CPNE4: variants seen among roughly 807,000 people sequenced by gnomAD.
CPNE4 encodes copine-4.
CPNE4 carries 25 observed loss-of-function variants against 67.9 expected under a neutral mutation model. The ratio of observed to expected loss-of-function variants is 0.37; its 90% confidence interval spans 0.27 to 0.51. The LOEUF (loss-of-function observed/expected upper bound fraction) is 0.51, where lower values mean the gene tolerates loss of function less well. Ranked by LOEUF, CPNE4 falls within the 20% of genes least tolerant of loss-of-function variation. The probability of loss-of-function intolerance (pLI) is 0.93; values close to 1 mark genes in which losing one functional copy is unlikely to be tolerated. For missense variants in CPNE4, 464 were observed against 690.8 expected (o/e 0.67, Z 3.68); for synonymous variants, 242 against 244.9 (o/e 0.99, Z 0.11).
chr3:131,825,280 G>A (rs1583275297), intron 2 of CPNE4, among the ~76,000 whole-genome samples: 1 of 152,072 alleles, frequency 6.6e-6, no homozygotes, highest in African/African-American at 2.4e-5. Flanking sequence ...GGTGGATCAT[G>A]AGGTCAGGAG....
At chr3:131,827,823 A>C (rs977526581) in intron 2 of CPNE4, among the ~76,000 whole-genome samples, 6 of 152,056 alleles carry the variant, frequency 3.9e-5, no homozygotes, top group African/African-American at 1.5e-4. Context: ...CAAGACATAA[A>C]TATAGAGCAG....
At chr3:131,888,841 A>G (rs1490074578) in intron 2 of CPNE4, among the ~76,000 whole-genome samples, 2 of 152,190 alleles carry the variant, frequency 1.3e-5, no homozygotes, top group Non-Finnish European at 2.9e-5. Context: ...CTTAGTAAGA[A>G]ACTTGGCAGA....
At chr3:131,933,121 T>A (rs1371728322) in intron 1 of CPNE4, among the ~76,000 whole-genome samples, 1 of 152,154 alleles carries the variant, frequency 6.6e-6, no homozygotes, top group Non-Finnish European at 1.5e-5. Flanking sequence ...CCTTGTGGAC[T>A]ATGTTGAAGA....
chr3:131,678,786 C>G (rs1560101394), intron 6 of CPNE4, among the ~76,000 whole-genome samples: 1 of 151,408 alleles, frequency 6.6e-6, no homozygotes, highest in Non-Finnish European at 1.5e-5. Flanking sequence ...GGGATGAAGC[C>G]TCATGGTGGA....
At chr3:131,900,060 G>C (rs566517147) in intron 2 of CPNE4, among the ~76,000 whole-genome samples, 4 of 151,940 alleles carry the variant, frequency 2.6e-5, no homozygotes, top group Non-Finnish European at 5.9e-5. Flanking sequence ...TAGGTGGAGT[G>C]GGGAGGGGGA....
At chr3:131,551,271 C>T (rs141200072) in intron 13 of CPNE4, among the ~76,000 whole-genome samples, 1 of 152,248 alleles carries the variant, frequency 6.6e-6, no homozygotes, top group African/African-American at 2.4e-5. Context: ...CAAAGCCTAT[C>T]ATTCTAAAGA....
At chr3:132,027,736 A>C (rs2074144331) in intron 1 of CPNE4, among the ~76,000 whole-genome samples, 1 of 152,152 alleles carries the variant, frequency 6.6e-6, no homozygotes, top group Admixed American at 6.5e-5. Context: ...TTACCTGTTG[A>C]ATCAACTGCT....
intron 2 of CPNE4, among the ~76,000 whole-genome samples, chr3:131,884,872 A>G (rs1583401853): frequency 2.0e-5 from 3 of 152,178 alleles, no homozygotes; most frequent in African/African-American, 7.2e-5. Context: ...CCCTAGCCAC[A>G]TGGAACTGTA....
At chr3:132,017,005 T>C (rs1397225156) in intron 1 of CPNE4, among the ~76,000 whole-genome samples, 1 of 151,980 alleles carries the variant, frequency 6.6e-6, no homozygotes, top group East Asian at 1.9e-4. Context: ...CAATATATGC[T>C]AGCCGATCAC....
intron 3 of CPNE4, among the ~76,000 whole-genome samples, chr3:131,702,257 A>T (rs1055036468): frequency 2.6e-5 from 4 of 152,192 alleles, no homozygotes; most frequent in African/African-American, 9.6e-5. Context: ...TAAGGAGTAC[A>T]TATTATGTTA....
At chr3:131,806,911 T>C (rs2084338590) in intron 2 of CPNE4, among the ~76,000 whole-genome samples, 1 of 152,122 alleles carries the variant, frequency 6.6e-6, no homozygotes, top group African/African-American at 2.4e-5. Flanking sequence ...TTTTCACAGT[T>C]CCCCAAATTG....
chr3:132,029,328 C>T (rs920286049), intron 1 of CPNE4, among the ~76,000 whole-genome samples: 2 of 152,266 alleles, frequency 1.3e-5, no homozygotes, highest in African/African-American at 4.8e-5. Flanking sequence ...CTCTCCGCAG[C>T]GAGGCAATCC....
At chr3:131,581,311 C>A (rs575490801) in intron 9 of CPNE4, among the ~76,000 whole-genome samples, 134 of 152,260 alleles carry the variant, frequency 8.8e-4, no homozygotes, top group Non-Finnish European at 1.7e-3. Context: ...CTGCTCTGGG[C>A]AGAGATGATC....
intron 1 of CPNE4, among the ~76,000 whole-genome samples, chr3:131,984,639 C>T (rs1216749470): frequency 1.3e-5 from 2 of 152,208 alleles, no homozygotes; most frequent in African/African-American, 4.8e-5. Flanking sequence ...TATGCTGGCC[C>T]ATCTTCCAAC....
At chr3:131,999,529 A>T (rs2073375656) in intron 1 of CPNE4, among the ~76,000 whole-genome samples, 1 of 152,116 alleles carries the variant, frequency 6.6e-6, no homozygotes, top group Non-Finnish European at 1.5e-5. Flanking sequence ...AAAGAATCAG[A>T]AAGATTGTTG....
chr3:131,878,561 T>G (rs1231788891), intron 2 of CPNE4, among the ~76,000 whole-genome samples: 2 of 152,182 alleles, frequency 1.3e-5, no homozygotes, highest in Non-Finnish European at 2.9e-5. Flanking sequence ...ACAGGTGTGT[T>G]CATTTTCTGG....
chr3:131,611,172 A>T (rs1397680232), intron 7 of CPNE4, among the ~76,000 whole-genome samples: 2 of 152,184 alleles, frequency 1.3e-5, no homozygotes, highest in Non-Finnish European at 2.9e-5. Context: ...TGTGTTGGCC[A>T]AAGGAGAATG....
At chr3:131,843,585 A>G (rs1216727754) in intron 2 of CPNE4, among the ~76,000 whole-genome samples, 1 of 152,222 alleles carries the variant, frequency 6.6e-6, no homozygotes, top group Non-Finnish European at 1.5e-5. Context: ...TTCTCCCCAA[A>G]TATTCAGCAG....
chr3:131,903,172 C>T (rs2088615111), intron 2 of CPNE4, among the ~76,000 whole-genome samples: 1 of 152,070 alleles, frequency 6.6e-6, no homozygotes, highest in Non-Finnish European at 1.5e-5. Flanking sequence ...CTTCCGGCTG[C>T]TTATAAACAG....
Sources: gnomAD v4.1 joint callset for allele counts (sites outside exome capture counted in the v4.1 genomes callset) on GRCh38, gnomAD v4.1.1 for gene constraint, MANE v1.5 for transcripts, NCBI Gene and HGNC (gene_info 2026-07-23, HGNC 2026-07-21) for gene names.